The following PHLDB2 variants were observed in gnomAD, a reference collection of about 807,000 sequenced individuals.
PHLDB2 encodes pleckstrin homology-like domain family B member 2.
Under a neutral mutation model 123.6 loss-of-function variants are expected in PHLDB2, and 71 were observed. The ratio of observed to expected loss-of-function variants is 0.57; its 90% confidence interval spans 0.47 to 0.70. The LOEUF is 0.70. PHLDB2 is among the 30% of genes least tolerant of loss of function. PHLDB2 has a pLI of 0.00. For synonymous variants in PHLDB2, 547 were observed against 541.6 expected, an observed-to-expected ratio of 1.01 and a Z score of -0.14; for missense variants, 1,446 against 1,519.5, an observed-to-expected ratio of 0.95 and a Z score of 0.80.
intron 3 of PHLDB2, chr3:111,914,855 T>A (rs954006915): frequency 1.3e-5 from 2 of 152,058 alleles, no homozygotes; most frequent in Non-Finnish European, 2.9e-5. Context: ...TAAGGAAAAA[T>A]CTTTTAAATT....
intron 5 of PHLDB2, 132 bp from the exon 6 acceptor site, chr3:111,932,137 T>TA (rs1577117035): frequency 2.0e-6 from 2 of 982,336 alleles, no homozygotes; most frequent in East Asian, 5.6e-5. Flanking sequence ...ACTAACAAGA[T>TA]ACGTTTCTAC....
At chr3:111,778,787 TA>T (rs1289890108) in intron 1 of PHLDB2, among the ~76,000 whole-genome samples, 1 of 151,728 alleles carries the variant, frequency 6.6e-6, no homozygotes, top group Non-Finnish European at 1.5e-5. Context: ...TGTGAATCCC[TA>T]AAAAAAACAT....
At chr3:111,848,549 A>T (rs540792469) in intron 2 of PHLDB2, among the ~76,000 whole-genome samples, 23 of 152,224 alleles carry the variant, frequency 1.5e-4, no homozygotes, top group Non-Finnish European at 2.2e-4. Flanking sequence ...GGGATCTCAG[A>T]CCTTATCTGG....
chr3:111,932,489 AGCATAAGTTT>A lies in PHLDB2; in HGVS notation c.2130+102_2130+111del. 3 of 1,339,570 alleles carry A rather than the reference AGCATAAGTTT, an allele frequency of 2.2e-6. No homozygotes were observed. The East Asian group carries it at 7.7e-5, about 34-fold the overall frequency. 83.0% of individuals were successfully genotyped at this position (1,339,570 alleles called of 1,614,324 possible). On this transcript the variant is annotated intron_variant, in intron 6 of 17. Transcript: ENST00000431670. ...TTACCTGTGACTTACGACTTCATAT[AGCATAAGTTT>A]GCATAAGTTCTAGTCATTAGATACG...
At chr3:111,783,937 T>G (rs893689503) in intron 1 of PHLDB2, among the ~76,000 whole-genome samples, 2 of 152,140 alleles carry the variant, frequency 1.3e-5, no homozygotes, top group African/African-American at 2.4e-5. Context: ...AAAAATACAG[T>G]TGGGTGAATT....
At chr3:111,853,790 G>A (rs370820826) in intron 2 of PHLDB2, among the ~76,000 whole-genome samples, 14 of 152,020 alleles carry the variant, frequency 9.2e-5, no homozygotes, top group Admixed American at 7.9e-4. Flanking sequence ...CAGGAGAATC[G>A]CTTAAACCCA....
intron 1 of PHLDB2, among the ~76,000 whole-genome samples, chr3:111,765,006 G>A (rs2060056043): frequency 6.6e-6 from 1 of 152,170 alleles, no homozygotes; most frequent in African/African-American, 2.4e-5. Flanking sequence ...ACTGGTCATC[G>A]GGTCCACCCT....
Position 111,945,518 on chromosome 3 carries a change from AG to A in PHLDB2, c.2487+163del, listed in dbSNP as rs1409999323. ...CCTGCCTTTCATTATGTATGCTTTGAGGATTTCAGAGATTATCCTTGTGTCT... is the reference window on the plus strand; with the variant it reads ...CCTGCCTTTCATTATGTATGCTTTGAGATTTCAGAGATTATCCTTGTGTCT... On this transcript the variant is annotated intron_variant, in intron 9 of 17. Transcript: ENST00000431670. The A allele has an allele frequency of 3.7e-5, 24 of 652,160 alleles. No homozygotes were observed. In the African/African-American group the frequency reaches 4.2e-4, roughly 12 times the overall value. The allele number at this position is 652,160 out of a possible 1,614,324, so 40.4% of individuals were successfully genotyped here.
chr3:111,957,109 CAG>C (rs1559922135), intron 12 of PHLDB2: 1 of 152,646 alleles, frequency 6.6e-6, no homozygotes, highest in Non-Finnish European at 1.5e-5. Context: ...GAGTTTAAAA[CAG>C]AGAGCTGAGA....
intron 2 of PHLDB2, among the ~76,000 whole-genome samples, chr3:111,895,858 ATCT>A (rs1468033901): frequency 1.0e-4 from 2 of 19,502 alleles, no homozygotes; most frequent in East Asian, 2.6e-3. Flanking sequence ...AAAAAAAAAA[ATCT>A]ATCTATCTAT....
intron 1 of PHLDB2, among the ~76,000 whole-genome samples, chr3:111,843,637 C>T (rs1411329078): frequency 4.6e-5 from 7 of 152,212 alleles, no homozygotes; most frequent in Admixed American, 4.6e-4. Context: ...AGTGATCCTC[C>T]TGCCTCAGCC....
At chr3:111,918,049 C>T (rs1027464586) in intron 3 of PHLDB2, among the ~76,000 whole-genome samples, 11 of 152,118 alleles carry the variant, frequency 7.2e-5, no homozygotes, top group African/African-American at 2.2e-4. Context: ...ATAAATAATA[C>T]ATTCATACTG....
intron 4 of PHLDB2, 119 bp downstream of exon 4, chr3:111,919,334 A>T: frequency 2.0e-6 from 2 of 1,019,032 alleles, no homozygotes; most frequent in Non-Finnish European, 1.5e-6. Flanking sequence ...GCAAACATTT[A>T]TTCAGTGGGT....
intron 6 of PHLDB2, among the ~76,000 whole-genome samples, chr3:111,938,648 T>A (rs1198404558): frequency 6.6e-6 from 1 of 152,122 alleles, no homozygotes; most frequent in Non-Finnish European, 1.5e-5. Context: ...TCCAGCAGAT[T>A]GTGTTGTGTA....
At chr3:111,735,742 G>A (rs188719117) in intron 1 of PHLDB2, among the ~76,000 whole-genome samples, 1 of 152,312 alleles carries the variant, frequency 6.6e-6, no homozygotes, top group East Asian at 1.9e-4. Context: ...CATTTCACCT[G>A]TGTCAAGTAC....
At chr3:111,831,591 T>G (rs1252826706) in intron 1 of PHLDB2, among the ~76,000 whole-genome samples, 1 of 152,196 alleles carries the variant, frequency 6.6e-6, no homozygotes, top group Admixed American at 6.5e-5. Context: ...GTGCTTACCC[T>G]ATATTTAATA....
chr3:111,798,211 T>C (rs552724698), intron 1 of PHLDB2, among the ~76,000 whole-genome samples: 1 of 152,244 alleles, frequency 6.6e-6, no homozygotes, highest in Admixed American at 6.5e-5. Context: ...GACCTTGGCC[T>C]TTATAATTTA....
intron 1 of PHLDB2, among the ~76,000 whole-genome samples, chr3:111,821,249 C>T (rs1465941522): frequency 6.6e-6 from 1 of 152,192 alleles, no homozygotes; most frequent in Non-Finnish European, 1.5e-5. Context: ...CATTGTTCTT[C>T]TAAGACCCAA....
At chr3:111,815,074 G>C (rs908702035) in intron 1 of PHLDB2, among the ~76,000 whole-genome samples, 1 of 152,154 alleles carries the variant, frequency 6.6e-6, no homozygotes, top group African/African-American at 2.4e-5. Context: ...CTCTTTGCCT[G>C]CTGCCATCCA....
Sources: allele counts gnomAD v4.1 joint callset (sites outside exome capture counted in the v4.1 genomes callset), GRCh38; gene constraint gnomAD v4.1.1; transcripts MANE v1.5; gene names NCBI Gene and HGNC (gene_info 2026-07-23, HGNC 2026-07-21).